Variants in IGF1R observed in about 807,000 individuals in gnomAD.
IGF1R encodes insulin-like growth factor 1 receptor.
A neutral mutation model predicts 144.6 loss-of-function variants in IGF1R; 44 were observed. The ratio of observed to expected loss-of-function variants is 0.30; its 90% CI spans 0.24 to 0.39. IGF1R has a LOEUF of 0.39. IGF1R is among the 10% of genes least tolerant of loss of function. The pLI is 1.00. For missense variants in IGF1R, 1,355 were observed against 1,833.7 expected, an observed-to-expected ratio of 0.74 and a Z score of 4.77; for synonymous variants, 795 against 722.8, an observed-to-expected ratio of 1.10 and a Z score of -1.60.
At chr15:98,933,627 A>G (rs2016028179) in intron 15 of IGF1R, among the ~76,000 whole-genome samples, 1 of 152,210 alleles carries the variant, frequency 6.6e-6, no homozygotes, top group Non-Finnish European at 1.5e-5. Flanking sequence ...CACACGGCCC[A>G]TTTATTTTCT....
chr15:98,909,015 C>A, intron 6 of IGF1R, 116 bp downstream of exon 6: 3 of 870,118 alleles, frequency 3.4e-6, no homozygotes, highest in Non-Finnish European at 5.7e-6. Flanking sequence ...CATGGGGGAC[C>A]ACTAGACCAT....
Position 98,816,017 on chromosome 15 carries a change from C to G in IGF1R, c.641-75308C>G, listed in dbSNP as rs750550454. ...AGCTCAACAGTCTTCCATACTCAAGCTGTGGGGAGGTCCCTTTCTCCTTTG... is the reference window on the plus strand; with the variant it reads ...AGCTCAACAGTCTTCCATACTCAAGGTGTGGGGAGGTCCCTTTCTCCTTTG... On this transcript the variant is annotated intron_variant, in intron 2 of 20. Transcript: ENST00000650285. Among the ~76,000 whole-genome samples the G allele has an allele frequency of 4.9e-4, 74 of 152,366 alleles. 1 individual carries two copies. Among genetic ancestry groups the G allele is most frequent in the Middle Eastern group, 3.4e-3 (1 of 294 alleles).
rs1314178071 is a variant in IGF1R, at chr15:98,957,258, C to T, written c.3920C>T (p.Pro1307Leu). The change falls in exon 21 of 21, where the codon CCC becomes CTC. Residue 1307 changes from proline (P) to leucine (L), a missense_variant. Coordinates refer to ENST00000650285, the MANE Select transcript of IGF1R (RefSeq NM_000875.5). ...AACATGGAGAGCGTCCCCCTGGACC[C>T]CTCGGCCTCCTCGTCCTCCCTGCCA... Reference protein sequence around the residue: ...PENMESVPLDPSASSSSLPLP... With the variant: ...PENMESVPLDLSASSSSLPLP... 1 of 1,614,080 alleles carries T rather than the reference C, an allele frequency of 6.2e-7. No individual in the cohort carries two copies. Among genetic ancestry groups the T allele is most frequent in the East Asian group, 2.2e-5 (1 of 44,878 alleles).
chr15:98,960,449 T>G lies in IGF1R; in HGVS notation c.*3007T>G, dbSNP rs1252623506. ...GGTTGTCTTTGGAACAAACTGCTTC[T>G]GTGCAGATGGAATGACCAACACATT... On this transcript the variant is annotated 3_prime_UTR_variant, in exon 21 of 21. Coordinates refer to ENST00000650285, the MANE Select transcript of IGF1R (RefSeq NM_000875.5). The G allele has an allele frequency of 2.6e-5, 6 of 228,768 alleles. No individual in the cohort carries two copies. Among genetic ancestry groups the G allele is most frequent in the Non-Finnish European group, 4.3e-5 (5 of 115,712 alleles). 14.2% of individuals were successfully genotyped at this position (228,768 alleles called of 1,614,324 possible).
chr15:98,904,049 AT>A (rs35759630), intron 5 of IGF1R, among the ~76,000 whole-genome samples: 58,496 of 103,518 alleles, frequency 0.57, 15,597 homozygotes, highest in African/African-American at 0.65. Flanking sequence ...TGATGGGTGA[AT>A]TTTTTTTTTT....
intron 2 of IGF1R, among the ~76,000 whole-genome samples, chr15:98,716,771 C>T (rs907812): frequency 5.5e-5 from 7 of 127,986 alleles, no homozygotes; most frequent in South Asian, 5.7e-4. Context: ...CTTCTGGGGC[C>T]GGTGGAAAGG....
At position 98,948,569 on chromosome 15, in the gene IGF1R, T is replaced by C; in HGVS notation, c.3588-5T>C. 1 of 1,613,856 alleles carries C rather than the reference T, an allele frequency of 6.2e-7. No homozygotes were observed. The highest frequency in any genetic ancestry group is 2.2e-5 in the East Asian group (1 of 44,876). On this transcript the variant is annotated splice_region_variant and splice_polypyrimidine_tract_variant and intron_variant, in intron 19 of 20. Coordinates refer to ENST00000650285, the MANE Select transcript of IGF1R (RefSeq NM_000875.5). Reference sequence around the variant, plus strand: ...AAGCTCCTCACAGTTTTTTTCTCCCTGTAGGTCCTTCGGGGTCGTCCTCTG... The same window carrying C: ...AAGCTCCTCACAGTTTTTTTCTCCCCGTAGGTCCTTCGGGGTCGTCCTCTG...
chr15:98,924,822 G>A, intron 13 of IGF1R, 138 bp downstream of exon 13: 1 of 823,340 alleles, frequency 1.2e-6, no homozygotes, highest in South Asian at 1.4e-5. Flanking sequence ...TCATGCTAAG[G>A]TGCCGGCACA....
intron 2 of IGF1R, among the ~76,000 whole-genome samples, chr15:98,720,408 G>C (rs1415312708): frequency 1.3e-5 from 2 of 152,302 alleles, no homozygotes; most frequent in East Asian, 3.9e-4. Context: ...TAGATCTGTT[G>C]GCCGTGGCTT....
chr15:98,885,607 T>C (rs1381636165), intron 2 of IGF1R, among the ~76,000 whole-genome samples: 1 of 152,304 alleles, frequency 6.6e-6, no homozygotes, highest in East Asian at 1.9e-4. Context: ...GGAACAGTGG[T>C]GTGTACCTTA....
At chr15:98,838,129 C>G (rs561330321) in intron 2 of IGF1R, among the ~76,000 whole-genome samples, 10 of 152,242 alleles carry the variant, frequency 6.6e-5, no homozygotes, top group Admixed American at 5.2e-4. Flanking sequence ...TGAGAAAAAA[C>G]TTAGATTTTC....
At chr15:98,860,304 C>T (rs2012077910) in intron 2 of IGF1R, among the ~76,000 whole-genome samples, 2 of 152,236 alleles carry the variant, frequency 1.3e-5, no homozygotes, top group Non-Finnish European at 2.9e-5. Flanking sequence ...AACCCTTGTA[C>T]AGACCATCCT....
chr15:98,795,257 A>T (rs1227083728), intron 2 of IGF1R, among the ~76,000 whole-genome samples: 1 of 152,234 alleles, frequency 6.6e-6, no homozygotes, highest in African/African-American at 2.4e-5. Context: ...AGAAAATTGT[A>T]TACTACATTA....
chr15:98,788,757 G>C (rs917877500), intron 2 of IGF1R, among the ~76,000 whole-genome samples: 1 of 152,210 alleles, frequency 6.6e-6, no homozygotes, highest in Non-Finnish European at 1.5e-5. Context: ...CCAGGTGGAG[G>C]CTGTGCAGAA....
At chr15:98,895,592 G>T (rs1269396609) in intron 3 of IGF1R, among the ~76,000 whole-genome samples, 1 of 152,050 alleles carries the variant, frequency 6.6e-6, no homozygotes, top group Non-Finnish European at 1.5e-5. Context: ...TAGGACCCTT[G>T]GGGAAGCCAT....
chr15:98,901,288 A>G (rs1035532449), intron 5 of IGF1R, among the ~76,000 whole-genome samples: 5 of 152,154 alleles, frequency 3.3e-5, no homozygotes, highest in Admixed American at 6.5e-5. Context: ...GCTCCCCAGT[A>G]GTCCTGCAGC....
intron 2 of IGF1R, among the ~76,000 whole-genome samples, chr15:98,781,328 A>G (rs944260546): frequency 2.1e-4 from 32 of 152,304 alleles, no homozygotes; most frequent in African/African-American, 7.2e-4. Context: ...ATTGGGGGCA[A>G]AAAAGAAATG....
chr15:98,723,632 A>G (rs1369310428), intron 2 of IGF1R, among the ~76,000 whole-genome samples: 1 of 152,200 alleles, frequency 6.6e-6, no homozygotes, highest in Non-Finnish European at 1.5e-5. Flanking sequence ...CTATAAAGAT[A>G]AAGAGTAGGG....
chr15:98,665,472 G>A (rs1261832372), intron 1 of IGF1R, among the ~76,000 whole-genome samples: 3 of 152,060 alleles, frequency 2.0e-5, no homozygotes, highest in African/African-American at 7.2e-5. Flanking sequence ...ATGTCCCTTC[G>A]CCCTTCAGTC....
Sources: allele counts gnomAD v4.1 joint callset (sites outside exome capture counted in the v4.1 genomes callset), GRCh38; gene constraint gnomAD v4.1.1; transcripts MANE v1.5; gene names NCBI Gene and HGNC (gene_info 2026-07-23, HGNC 2026-07-21).